MLXIPL: variants seen among roughly 807,000 people sequenced by gnomAD.
The protein encoded by MLXIPL is MLX interacting protein like.
Under a neutral mutation model 81.5 loss-of-function variants are expected in MLXIPL, and 49 were observed. The ratio of observed to expected loss-of-function variants is 0.60; its 90% CI spans 0.48 to 0.76. The LOEUF is 0.76. Among genes scored for constraint, MLXIPL ranks in the 30% least tolerant of loss-of-function variants. The pLI is 0.00. For missense variants in MLXIPL, 1,053 were observed against 1,167.0 expected, an observed-to-expected ratio of 0.90 and a Z score of 1.42; for synonymous variants, 466 against 485.5, an observed-to-expected ratio of 0.96 and a Z score of 0.53.
In MLXIPL at chr7:73,593,245, A is replaced by C. The variant is rs903845603; in HGVS notation, c.*620T>G. 1.2e-4 allele frequency: 19 copies of C among 158,452 alleles called. No individual in the cohort carries two copies. In the East Asian group the frequency reaches 1.9e-3, roughly 16 times the overall value. The allele number at this position is 158,452 out of a possible 1,614,324, so 9.8% of individuals were successfully genotyped here. A position where few individuals can be genotyped will look rare whatever the true frequency, so the allele number is the denominator to read the frequency against. On this transcript the variant is annotated 3_prime_UTR_variant, in exon 17 of 17. Coordinates refer to ENST00000313375, the MANE Select transcript of MLXIPL (RefSeq NM_032951.3). ...TGGTCAAGAATTCTTTACAAAACCC[A>C]CACACACACATCCACACACACACAC...
At chr7:73,630,701 G>A in the MLXIPL span, among the ~76,000 whole-genome samples, 1 of 152,224 alleles carries the variant, frequency 6.6e-6, no homozygotes, top group African/African-American at 2.4e-5. Flanking sequence ...ATGCCAGCCT[G>A]TTCCACAAGT....
chr7:73,607,113 C>T (rs782195958), intron 4 of MLXIPL, 95 bp from the exon 5 acceptor site: 8 of 1,492,588 alleles, frequency 5.4e-6, no homozygotes, highest in Middle Eastern at 1.7e-4. Flanking sequence ...GATGAGATCC[C>T]CCATTTCCCA....
At chr7:73,624,532 A>T, upstream of MLXIPL, 1 of 1,500,112 alleles carries the variant, frequency 6.7e-7, no homozygotes, top group African/African-American at 1.4e-5. Flanking sequence ...TGCTCCGCGC[A>T]GCGCGGGGAA....
At chr7:73,615,271 A>G (rs922185321) in intron 2 of MLXIPL, among the ~76,000 whole-genome samples, 5 of 152,142 alleles carry the variant, frequency 3.3e-5, no homozygotes, top group Non-Finnish European at 7.4e-5. Context: ...CCTCTGCCCA[A>G]TTGGCCATGG....
chr7:73,606,198 G>C, intron 5 of MLXIPL, 87 bp from the exon 6 acceptor site: 2 of 1,368,896 alleles, frequency 1.5e-6, no homozygotes. Flanking sequence ...CAAGTGGTCA[G>C]CAGGACAGAG....
chr7:73,639,369 T>C, the MLXIPL span, among the ~76,000 whole-genome samples: 1 of 152,220 alleles, frequency 6.6e-6, no homozygotes, highest in Non-Finnish European at 1.5e-5. Flanking sequence ...TGTGCAAAGA[T>C]GAACAAAGAT....
At chr7:73,641,313 C>T in the MLXIPL span, among the ~76,000 whole-genome samples, 1 of 152,076 alleles carries the variant, frequency 6.6e-6, no homozygotes, top group Non-Finnish European at 1.5e-5. Context: ...CACTGGGGAC[C>T]CATGGATCAC....
chr7:73,611,360 G>A (rs1554599700), intron 2 of MLXIPL: 1 of 152,212 alleles, frequency 6.6e-6, no homozygotes, highest in African/African-American at 2.4e-5. Flanking sequence ...GGCAACCTGA[G>A]ACTTTTCCTG....
the MLXIPL span, among the ~76,000 whole-genome samples, chr7:73,630,279 G>A: frequency 1.6e-5 from 2 of 128,970 alleles, no homozygotes; most frequent in Non-Finnish European, 3.1e-5. Context: ...TTACAGGCCA[G>A]CTTGTCTTTT....
chr7:73,606,428 C>CTTTTTTTT, intron 5 of MLXIPL: 1 of 302,030 alleles, frequency 3.3e-6, no homozygotes, highest in South Asian at 3.8e-5. Flanking sequence ...TTTTCTTTTT[C>CTTTTTTTT]TTTTTTTTTT....
upstream of MLXIPL, among the ~76,000 whole-genome samples, chr7:73,628,508 T>A (rs1246810882): frequency 6.6e-6 from 1 of 152,208 alleles, no homozygotes. Flanking sequence ...ATTTCTCCTG[T>A]GTTTAGAGAC....
the MLXIPL span, among the ~76,000 whole-genome samples, chr7:73,634,018 G>C: frequency 0.079 from 12,059 of 152,252 alleles, 531 homozygotes; most frequent in Middle Eastern, 0.13. Flanking sequence ...GTGAGAAGAG[G>C]ATGGAGAAGC....
chr7:73,597,117 C>T, intron 9 of MLXIPL, 65 bp downstream of exon 9: 1 of 1,514,376 alleles, frequency 6.6e-7, no homozygotes, highest in Non-Finnish European at 8.9e-7. Context: ...CTCCCAAAAC[C>T]CCCTGTCCTC....
the MLXIPL span, among the ~76,000 whole-genome samples, chr7:73,632,785 TC>T: frequency 1.4e-5 from 2 of 147,012 alleles, no homozygotes; most frequent in Non-Finnish European, 3.0e-5. Flanking sequence ...CTTCCTTCCT[TC>T]CTTCCTTCCT....
chr7:73,624,146 C>CA (rs1271986788), intron 1 of MLXIPL, 54 bp downstream of exon 1: 5 of 1,446,978 alleles, frequency 3.5e-6, no homozygotes, highest in Non-Finnish European at 4.6e-6. Context: ...CCCCGGACCC[C>CA]CCCCCCATCC....
chr7:73,602,878 G>C (rs1554596767), intron 7 of MLXIPL, among the ~76,000 whole-genome samples: 1 of 152,180 alleles, frequency 6.6e-6, no homozygotes, highest in African/African-American at 2.4e-5. Flanking sequence ...CCCGGGCAGG[G>C]GTCATGGGGC....
Position 73,596,901 on chromosome 7 carries a change from A to C in MLXIPL, c.1635T>G (p.Leu545=). Residue 545 remains leucine (L), a synonymous_variant, in exon 10 of 17, where the codon CTT becomes CTG. Coordinates refer to ENST00000313375, the MANE Select transcript of MLXIPL (RefSeq NM_032951.3). The surrounding 1 kb of genome is among the most constrained non-coding windows in gnomAD (Gnocchi z 4.7). ...GGGACCGGAGGAGGGTGCTGGATAC[A>C]AGTGGTGGCTCCAGGGCTTGCTCCG... The part of the protein sequence containing the change: ...AKPEQALEPP[L]VSSTLLRSPG... 1 of 1,610,996 alleles carries C rather than the reference A, an allele frequency of 6.2e-7. No homozygotes were observed. The highest frequency in any genetic ancestry group is 8.5e-7 in the Non-Finnish European group (1 of 1,179,702).
chr7:73,631,774 C>CCTCTCTCT, the MLXIPL span, among the ~76,000 whole-genome samples: 2 of 146,674 alleles, frequency 1.4e-5, no homozygotes, highest in African/African-American at 5.0e-5. Flanking sequence ...TCCCTCTCTC[C>CCTCTCTCT]CTCTCTCTCT....
At chr7:73,645,374 C>G in the MLXIPL span, among the ~76,000 whole-genome samples, 1 of 152,182 alleles carries the variant, frequency 6.6e-6, no homozygotes, top group South Asian at 2.1e-4. Flanking sequence ...CCAGGACCTA[C>G]CCTGGGAATA....
Sources: gnomAD v4.1 joint callset for allele counts (sites outside exome capture counted in the v4.1 genomes callset) on GRCh38, gnomAD v4.1.1 for gene constraint, Gnocchi (gnomAD v3.1) non-coding constraint, MANE v1.5 for transcripts, NCBI Gene and HGNC (gene_info 2026-07-23, HGNC 2026-07-21) for gene names.